SCMH1: variants seen among roughly 807,000 people sequenced by gnomAD.
The protein encoded by SCMH1 is Scm polycomb group protein homolog 1, also known as polycomb protein SCMH1.
A neutral mutation model predicts 70.8 loss-of-function variants in SCMH1; 37 were observed. That is an observed-to-expected ratio of 0.52 (90% CI 0.40 to 0.69). SCMH1 has a LOEUF of 0.69. Among genes scored for constraint, SCMH1 ranks in the 30% least tolerant of loss-of-function variants. The probability of loss-of-function intolerance (pLI) is 0.00; values close to 1 mark genes in which losing one functional copy is unlikely to be tolerated. For missense variants in SCMH1, 607 were observed against 827.3 expected (o/e 0.73, Z 3.27); for synonymous variants, 292 against 307.4 (o/e 0.95, Z 0.52).
intron 10 of SCMH1, among the ~76,000 whole-genome samples, chr1:41,051,077 G>A (rs969395576): frequency 6.6e-6 from 1 of 152,150 alleles, no homozygotes; most frequent in African/African-American, 2.4e-5. Context: ...CCACCAAAAA[G>A]AGAAGAGATA....
rs112813637 is a variant in SCMH1, at chr1:41,125,815, G to T, written c.413-8805C>A. ...TGGTCTCGAACTCCTAGGCTTAAGG[G>T]ATCCTCCTGCCTCAGCTTCCCAAAG... On this transcript the variant is annotated intron_variant, in intron 6 of 14. Coordinates refer to ENST00000337495, the Ensembl canonical transcript of SCMH1. Among the ~76,000 whole-genome samples, 1,449 of 152,130 alleles carry T rather than the reference G, an allele frequency of 9.5e-3. 28 individuals are homozygous for T. The highest frequency in any genetic ancestry group is 0.033 in the African/African-American group (1,368 of 41,502).
At chr1:41,158,697 G>A (rs1289549566) in intron 4 of SCMH1, among the ~76,000 whole-genome samples, 2 of 152,176 alleles carry the variant, frequency 1.3e-5, no homozygotes, top group Non-Finnish European at 2.9e-5. Context: ...AGCGTTTGGG[G>A]TGAAGTCATT....
intron 1 of SCMH1, among the ~76,000 whole-genome samples, chr1:41,188,791 G>C (rs1310385015): frequency 1.6e-5 from 2 of 127,984 alleles, no homozygotes; most frequent in Non-Finnish European, 3.4e-5. Flanking sequence ...ATAGTAATAA[G>C]TCAAATTATT....
At chr1:41,100,868 T>C (rs1452930055) in intron 8 of SCMH1, among the ~76,000 whole-genome samples, 1 of 152,120 alleles carries the variant, frequency 6.6e-6, no homozygotes, top group Non-Finnish European at 1.5e-5. Context: ...CCAGCCAGTA[T>C]AGTCCTTTTT....
chr1:41,181,509 A>C (rs910528480), intron 2 of SCMH1, among the ~76,000 whole-genome samples: 1 of 152,198 alleles, frequency 6.6e-6, no homozygotes, highest in African/African-American at 2.4e-5. Context: ...CAAGAAAAAA[A>C]CACACAACCC....
intron 5 of SCMH1, among the ~76,000 whole-genome samples, chr1:41,148,956 A>G (rs1572619593): frequency 1.3e-5 from 2 of 151,950 alleles, no homozygotes; most frequent in East Asian, 3.9e-4. Context: ...ATGCCCGGCT[A>G]ATTTTTTTGT....
chr1:41,116,795 T>C (rs994249171), intron 7 of SCMH1, 127 bp downstream of exon 7: 1 of 582,764 alleles, frequency 1.7e-6, no homozygotes, highest in Non-Finnish European at 2.9e-6. Context: ...CTTCATAAGC[T>C]ACTAAAAAAT....
At chr1:41,063,582 C>A (rs11209430) in intron 10 of SCMH1, among the ~76,000 whole-genome samples, 11,665 of 130,794 alleles carry the variant, frequency 0.089, 588 homozygotes, top group South Asian at 0.15. Context: ...AACAAACAAA[C>A]AAAAAAACAA....
At chr1:41,053,657 C>G (rs1158778527) in intron 10 of SCMH1, among the ~76,000 whole-genome samples, 1 of 152,102 alleles carries the variant, frequency 6.6e-6, no homozygotes, top group East Asian at 1.9e-4. Context: ...TGTTACATGG[C>G]AAAAGATTAT....
At chr1:41,163,058 C>G (rs213748) in intron 2 of SCMH1, 97,751 of 151,996 alleles carry the variant, frequency 0.64, 32,791 homozygotes, top group African/African-American at 0.84. Context: ...AGCTGCAGCC[C>G]TTTGGGGAGC....
chr1:41,097,891 C>T (rs1370142727), intron 8 of SCMH1, among the ~76,000 whole-genome samples: 2 of 152,198 alleles, frequency 1.3e-5, no homozygotes, highest in Non-Finnish European at 2.9e-5. Flanking sequence ...TCAGAATAAG[C>T]CGTGCTATTC....
chr1:41,124,949 C>T (rs1454178003), intron 6 of SCMH1, among the ~76,000 whole-genome samples: 5 of 152,094 alleles, frequency 3.3e-5, no homozygotes, highest in Non-Finnish European at 7.4e-5. Flanking sequence ...TGGAGTATTT[C>T]TCATTGCAAT....
At chr1:41,208,435 T>TAAAAAAAA (rs149379351) in intron 1 of SCMH1, among the ~76,000 whole-genome samples, 1 of 129,700 alleles carries the variant, frequency 7.7e-6, no homozygotes, top group African/African-American at 2.6e-5. Flanking sequence ...AGAAAAAAAT[T>TAAAAAAAA]AAAAAAAAAA....
chr1:41,049,189 G>C (rs1647181970), intron 10 of SCMH1, among the ~76,000 whole-genome samples: 1 of 152,164 alleles, frequency 6.6e-6, no homozygotes, highest in Non-Finnish European at 1.5e-5. Flanking sequence ...AGAAAATCTA[G>C]ACAATTCCCC....
intron 1 of SCMH1, among the ~76,000 whole-genome samples, chr1:41,206,354 A>G (rs1276858679): frequency 6.6e-6 from 1 of 152,222 alleles, no homozygotes; most frequent in Non-Finnish European, 1.5e-5. Context: ...ACCTTAAACG[A>G]CCTGATGGAG....
At chr1:41,234,453 CTTTTTTTTTT>C (rs66686109) in intron 1 of SCMH1, among the ~76,000 whole-genome samples, 9 of 49,420 alleles carry the variant, frequency 1.8e-4, no homozygotes, top group African/African-American at 6.2e-4. Context: ...AACTCTGCCT[CTTTTTTTTTT>C]TTTTTTTTTT....
intron 6 of SCMH1, among the ~76,000 whole-genome samples, chr1:41,139,540 A>G (rs1039131362): frequency 2.0e-5 from 3 of 152,168 alleles, no homozygotes; most frequent in Non-Finnish European, 2.9e-5. Flanking sequence ...GAGAACTTGT[A>G]TTTTTTAATA....
At chr1:41,136,620 C>T (rs953674882) in intron 6 of SCMH1, among the ~76,000 whole-genome samples, 1 of 151,938 alleles carries the variant, frequency 6.6e-6, no homozygotes, top group Non-Finnish European at 1.5e-5. Context: ...GATCTGCCCA[C>T]CTCGGCCTCC....
chr1:41,034,021 C>T (rs1321636322), intron 13 of SCMH1: 1 of 1,613,368 alleles, frequency 6.2e-7, no homozygotes, highest in African/African-American at 1.3e-5. Flanking sequence ...TTCCATATCC[C>T]TTCTTTCATT....
Sources: gnomAD v4.1 joint callset for allele counts (sites outside exome capture counted in the v4.1 genomes callset) on GRCh38, gnomAD v4.1.1 for gene constraint, MANE v1.5 for transcripts, NCBI Gene and HGNC (gene_info 2026-07-23, HGNC 2026-07-21) for gene names.